CELSR1: variants seen among roughly 807,000 people sequenced by gnomAD.
CELSR1 encodes the protein cadherin EGF LAG seven-pass G-type receptor 1, also known as adhesion G protein-coupled receptor C1.
Under a neutral mutation model 249.1 loss-of-function variants are expected in CELSR1, and 110 were observed. The observed-to-expected ratio is 0.44, with a 90% CI of 0.38 to 0.52. The LOEUF (loss-of-function observed/expected upper bound fraction) is 0.52, where lower values mean the gene tolerates loss of function less well. Among genes scored for constraint, CELSR1 ranks in the 20% least tolerant of loss-of-function variants. The pLI, the probability that CELSR1 is intolerant of heterozygous loss-of-function variation, is 0.00. For synonymous variants in CELSR1, 2,113 were observed against 1,900.0 expected, an observed-to-expected ratio of 1.11 and a Z score of -2.92; for missense variants, 4,109 against 4,296.4, an observed-to-expected ratio of 0.96 and a Z score of 1.22.
rs1366234942 is a variant in CELSR1, at chr22:46,437,054, CAT to C, written c.4407-767_4407-766del. 2.6e-5 allele frequency among the ~76,000 whole-genome samples: 4 copies of C among 152,186 alleles called. No homozygotes were observed. Among genetic ancestry groups the C allele is most frequent in the African/African-American group, 9.6e-5 (4 of 41,452 alleles). ...TCCAGAACCCAAAGAAGATCTGGTC[CAT>C]ATCAGTGCTTAATATGGGCTGTTTG... On this transcript the variant is annotated intron_variant, in intron 3 of 34. Coordinates refer to ENST00000674500, the MANE Select transcript of CELSR1 (RefSeq NM_001378328.1). The surrounding 1 kb of genome is among the most constrained non-coding windows in gnomAD (Gnocchi z 4.9).
chr22:46,372,941 G>A lies in CELSR1; in HGVS notation c.7701C>T (p.Asp2567=). ...CGTAGTAGAACCGCATGGGCCCCGT[G>A]TCGATGTTGCGCACCTCGGTCAGCA... The part of the protein sequence containing the change: ...YRMLTEVRNI[D]TGPMRFYYVV... The change falls in exon 25 of 35, where the codon GAC becomes GAT. Residue 2567 remains aspartate (D), a synonymous_variant. Transcript: ENST00000674500. The A allele has an allele frequency of 6.2e-7, 1 of 1,613,338 alleles. No individual in the cohort carries two copies. The highest frequency in any genetic ancestry group is 1.1e-5 in the South Asian group (1 of 91,054).
rs745667221 is a variant in CELSR1 at position 46,365,337 on chromosome 22, C to G, written c.8448G>C (p.Gln2816His). 6.2e-6 allele frequency: 10 copies of G among 1,613,012 alleles called. No individual in the cohort carries two copies. The highest frequency in any genetic ancestry group is 8.5e-6 in the Non-Finnish European group (10 of 1,179,978). ...DSDSELSLDE[Q>H]SSSYASSHSS... is the part of the protein sequence containing the mutation. ...AGTGTGAGGAGGCGTAAGAGCTGCTCTGCTCATCCAGGGACAGCTCGCTAT... is the reference window on the plus strand; with the variant it reads ...AGTGTGAGGAGGCGTAAGAGCTGCTGTGCTCATCCAGGGACAGCTCGCTAT... Residue 2816 changes from glutamine (Q) to histidine (H), a missense_variant, in exon 32 of 35, where the codon CAG (glutamine) becomes CAC (histidine). Physicochemically the swap from Gln to His is conservative, Grantham distance 24. Around this residue, in one of 7 missense-constraint regions of CELSR1, gnomAD observed 1,805 missense variants for 1,831.6 expected, o/e 0.99. Coordinates refer to ENST00000674500, the MANE Select transcript of CELSR1 (RefSeq NM_001378328.1).
intron 5 of CELSR1, among the ~76,000 whole-genome samples, chr22:46,421,785 G>A (rs1340702498): frequency 1.3e-5 from 2 of 152,278 alleles, no homozygotes; most frequent in African/African-American, 4.8e-5. Context: ...AGCACGTGCA[G>A]ACTGCCTTAG....
intron 23 of CELSR1, 65 bp from the exon 24 acceptor site, chr22:46,377,326 A>G (rs557713671): frequency 4.0e-6 from 6 of 1,497,310 alleles, no homozygotes; most frequent in East Asian, 2.3e-5. Context: ...TGGTCATTGC[A>G]TAACAGAGAT....
In CELSR1 at chr22:46,399,027, G is replaced by A. The variant is rs1031920324; in HGVS notation, c.5413-390C>T. ...ATTAACACTGTGGGAACCCAAGAGG[G>A]TCTCGGCTGAGATCCAGTCCCAGAA... On this transcript the variant is annotated intron_variant, in intron 10 of 34. Coordinates refer to ENST00000674500, the MANE Select transcript of CELSR1 (RefSeq NM_001378328.1). The surrounding 1 kb of genome is among the most constrained non-coding windows in gnomAD (Gnocchi z 5.0). Among the ~76,000 whole-genome samples the A allele has an allele frequency of 2.0e-5, 3 of 152,222 alleles. No homozygotes were observed. Among genetic ancestry groups the A allele is most frequent in the African/African-American group, 7.2e-5 (3 of 41,456 alleles).
chr22:46,363,968 C>A lies in CELSR1; in HGVS notation c.9035+28G>T. 1.9e-6 allele frequency: 3 copies of A among 1,558,756 alleles called. No homozygotes were observed. Among genetic ancestry groups the A allele is most frequent in the South Asian group, 1.2e-5 (1 of 86,044 alleles). On this transcript the variant is annotated intron_variant, in intron 34 of 34. Transcript: ENST00000674500. The surrounding 1 kb of genome is among the most constrained non-coding windows in gnomAD (Gnocchi z 4.3). The stretch of plus-strand genomic sequence containing the variant: ...TCAGGACAAGGGGGAAGTGGGTGAT[C>A]CCCGCCCTGGAGGCCCAGGCTACTC...
rs1293743132 is a variant in CELSR1, at chr22:46,372,918, T to C, written c.7724A>G (p.Tyr2575Cys). The C allele has an allele frequency of 5.6e-6, 9 of 1,612,278 alleles. No individual in the cohort carries two copies. Among genetic ancestry groups the C allele is most frequent in the Non-Finnish European group, 7.6e-6 (9 of 1,179,258 alleles). Residue 2575 changes from tyrosine (Y) to cysteine (C), a missense_variant, in exon 25 of 35, where the codon TAC (tyrosine) becomes TGC (cysteine). Physicochemically the swap from Tyr to Cys is radical, Grantham distance 194. Transcript: ENST00000674500. ...GGCCGGGATGCCCCAGCCCACGACGTAGTAGAACCGCATGGGCCCCGTGTC... is the reference window on the plus strand; with the variant it reads ...GGCCGGGATGCCCCAGCCCACGACGCAGTAGAACCGCATGGGCCCCGTGTC... ...NIDTGPMRFY[Y>C]VVGWGIPAIV...
At position 46,486,182 on chromosome 22, in the gene CELSR1, G is replaced by A. The variant is rs887476277; in HGVS notation, c.3545-21837C>T. ...TCTCGATCTCCTGACCTCGTGATCC[G>A]CCAGCCTCGGCCTCCCAAAGTGCTA... On this transcript the variant is annotated intron_variant, in intron 1 of 34. Transcript: ENST00000674500. 5.2e-4 allele frequency among the ~76,000 whole-genome samples: 78 copies of A among 150,910 alleles called. 1 individual carries two copies. The highest frequency in any genetic ancestry group is 4.7e-3 in the Admixed American group (71 of 15,216).
rs114161289 is a variant in CELSR1 at position 46,495,101 on chromosome 22, G to A, written c.3545-30756C>T. On this transcript the variant is annotated intron_variant, in intron 1 of 34. Transcript: ENST00000674500. ...CAGCCTACTACACACCTAGACTATG[G>A]TAAAACCGACTGCTCCTAGGCTTAG... Among the ~76,000 whole-genome samples, 1,294 of 152,278 alleles carry A rather than the reference G, an allele frequency of 8.5e-3. 24 individuals are homozygous for A. Among genetic ancestry groups the A allele is most frequent in the African/African-American group, 0.03 (1,249 of 41,552 alleles).
intron 1 of CELSR1, among the ~76,000 whole-genome samples, chr22:46,466,212 G>C (rs2080094718): frequency 6.6e-6 from 1 of 152,228 alleles, no homozygotes; most frequent in Non-Finnish European, 1.5e-5. Context: ...AAAGGACATG[G>C]TGGGAGACGG....
intron 24 of CELSR1, among the ~76,000 whole-genome samples, chr22:46,375,835 G>A (rs2078913226): frequency 2.0e-5 from 3 of 152,166 alleles, no homozygotes; most frequent in Non-Finnish European, 2.9e-5. Flanking sequence ...ATGAACCAAC[G>A]TGCCCAGCCT....
rs1453928137 is a variant in CELSR1 at position 46,454,299 on chromosome 22, T to C, written c.4183+9408A>G. Among the ~76,000 whole-genome samples, 1 of 152,218 alleles carries C rather than the reference T, an allele frequency of 6.6e-6. No individual in the cohort carries two copies. The highest frequency in any genetic ancestry group is 1.5e-5 in the Non-Finnish European group (1 of 68,034). On this transcript the variant is annotated intron_variant, in intron 2 of 34. Transcript: ENST00000674500. This position sits in a 1 kb window ranked among gnomAD's most constrained non-coding sequence, Gnocchi z 5.1. Reference sequence around the variant, plus strand: ...CAGAACAGTAAGAATGAATCCGTGCTGCGTTAAGCCCCTCGTGTGTGGAAA... The same window carrying C: ...CAGAACAGTAAGAATGAATCCGTGCCGCGTTAAGCCCCTCGTGTGTGGAAA...
In CELSR1 at chr22:46,441,167, AAGAG is replaced by A. The variant is rs1404710552; in HGVS notation, c.4184-1760_4184-1757del. Among the ~76,000 whole-genome samples the A allele has an allele frequency of 6.6e-6, 1 of 151,404 alleles. No homozygotes were observed. On this transcript the variant is annotated intron_variant, in intron 2 of 34. Coordinates refer to ENST00000674500, the MANE Select transcript of CELSR1 (RefSeq NM_001378328.1). This position sits in a 1 kb window ranked among gnomAD's most constrained non-coding sequence, Gnocchi z 6.1. ...GACTTCATTTCAAAAAAAAAAAAAAAAGAGAGACTGCTATAAAGATGGAACTGGG... is the reference window on the plus strand; with the variant it reads ...GACTTCATTTCAAAAAAAAAAAAAAAAGACTGCTATAAAGATGGAACTGGG...
chr22:46,475,165 T>C (rs981945119), intron 1 of CELSR1, among the ~76,000 whole-genome samples: 5 of 152,078 alleles, frequency 3.3e-5, no homozygotes, highest in African/African-American at 1.2e-4. Flanking sequence ...TCACAAGATA[T>C]GGAGGAGAGC....
intron 19 of CELSR1, among the ~76,000 whole-genome samples, chr22:46,385,427 A>G (rs11090869): frequency 0.23 from 34,499 of 152,064 alleles, 5,378 homozygotes; most frequent in African/African-American, 0.45. Context: ...ACTGACTTCC[A>G]ACTTCCTGCA....
At position 46,374,123 on chromosome 22, in the gene CELSR1, CT is replaced by C. The variant is rs376693237; in HGVS notation, c.7585-1067del. 8.3e-3 allele frequency among the ~76,000 whole-genome samples: 1,261 copies of C among 152,336 alleles called. 18 individuals carry two copies. The highest frequency in any genetic ancestry group is 0.028 in the African/African-American group (1,169 of 41,580). On this transcript the variant is annotated intron_variant, in intron 24 of 34. Transcript: ENST00000674500. This position sits in a 1 kb window ranked among gnomAD's most constrained non-coding sequence, Gnocchi z 4.3. The stretch of plus-strand genomic sequence containing the variant: ...GCTCAAGTTATGCCAGAGACAGGCC[CT>C]TTGCCTCAGACTGTGGCCTCGGTCA...
chr22:46,378,739 G>C, intron 22 of CELSR1, 22 bp from the exon 23 acceptor site: 1 of 1,608,464 alleles, frequency 6.2e-7, no homozygotes, highest in Non-Finnish European at 8.5e-7. Context: ...ACAGAGAAGG[G>C]GCAGGGGTAA....
intron 1 of CELSR1, among the ~76,000 whole-genome samples, chr22:46,524,924 C>A (rs1434340923): frequency 6.6e-6 from 1 of 152,152 alleles, no homozygotes; most frequent in Non-Finnish European, 1.5e-5. Context: ...CTCCACCTGG[C>A]AGGCAGCCCC....
rs1478317822 is a variant in CELSR1, at chr22:46,408,207, A to G, written c.5226+789T>C. Reference sequence around the variant, plus strand: ...AATAAACTTTTGTTTCAAATAAACGAAACAGTAAAGATCAATAAGACAGAG... The same window carrying G: ...AATAAACTTTTGTTTCAAATAAACGGAACAGTAAAGATCAATAAGACAGAG... On this transcript the variant is annotated intron_variant, in intron 9 of 34. Coordinates refer to ENST00000674500, the MANE Select transcript of CELSR1 (RefSeq NM_001378328.1). This position sits in a 1 kb window ranked among gnomAD's most constrained non-coding sequence, Gnocchi z 4.6. 1.3e-5 allele frequency among the ~76,000 whole-genome samples: 2 copies of G among 152,252 alleles called. No individual in the cohort carries two copies. Among genetic ancestry groups the G allele is most frequent in the South Asian group, 4.1e-4 (2 of 4,836 alleles).
Sources: allele counts gnomAD v4.1 joint callset (sites outside exome capture counted in the v4.1 genomes callset), GRCh38; gene constraint gnomAD v4.1.1; regional missense constraint gnomAD v4.1.1; non-coding constraint Gnocchi (gnomAD v3.1); transcripts MANE v1.5; gene names NCBI Gene and HGNC (gene_info 2026-07-23, HGNC 2026-07-21).